RPL22: variants seen among roughly 807,000 people sequenced by gnomAD.
RPL22 encodes the protein ribosomal protein L22, also known as large ribosomal subunit protein eL22.
RPL22 carries 4 observed loss-of-function variants against 16.2 expected under a neutral mutation model. The observed-to-expected ratio is 0.25, with a 90% CI of 0.12 to 0.57. The LOEUF is 0.57. Ranked by LOEUF, RPL22 falls within the 20% of genes least tolerant of loss-of-function variation. RPL22 has a pLI of 0.92. For missense variants in RPL22, 83 were observed against 156.1 expected (o/e 0.53, Z 2.49); for synonymous variants, 43 against 54.8 (o/e 0.78, Z 0.95).
chr1:6,187,552 T>C (rs1667598089), intron 3 of RPL22, among the ~76,000 whole-genome samples: 1 of 142,956 alleles, frequency 7.0e-6, no homozygotes, highest in African/African-American at 2.7e-5. Context: ...AGGCAGAGGC[T>C]GCAGTGAGCC....
intron 3 of RPL22, among the ~76,000 whole-genome samples, chr1:6,187,855 T>G (rs2100901162): frequency 6.6e-6 from 1 of 152,272 alleles, no homozygotes; most frequent in East Asian, 1.9e-4. Flanking sequence ...AACCCCCTTT[T>G]GAGGTTGTCT....
intron 3 of RPL22, among the ~76,000 whole-genome samples, chr1:6,192,677 C>T (rs546451489): frequency 6.0e-4 from 91 of 152,152 alleles, no homozygotes; most frequent in African/African-American, 1.8e-3. Context: ...ACAGCCTGGG[C>T]GATGGAGTGA....
chr1:6,193,206 C>G, intron 2 of RPL22, 152 bp from the exon 3 acceptor site: 1 of 864,682 alleles, frequency 1.2e-6, no homozygotes, highest in South Asian at 1.6e-5. Flanking sequence ...ACTGCAGTCT[C>G]AACCTCCCAA....
At position 6,199,595 on chromosome 1, in the gene RPL22, G is replaced by A. The variant is rs1667771511; in HGVS notation, c.-22C>T. 3 of 1,565,642 alleles carry A rather than the reference G, an allele frequency of 1.9e-6. No homozygotes were observed. Among genetic ancestry groups the A allele is most frequent in the East Asian group, 2.4e-5 (1 of 42,030 alleles). On this transcript the variant is annotated 5_prime_UTR_variant, in exon 1 of 4. Transcript: ENST00000234875. ...CCATGGCGGCAGCGGAGTTAGAAAG[G>A]GAGGTGAGCGAACTACGCAGACGCA... is the stretch of plus-strand genomic sequence containing the variant.
rs761246474 is a variant in RPL22 at position 6,186,648 on chromosome 1, C to T, written c.*24G>A. 2.7e-6 allele frequency: 4 copies of T among 1,470,248 alleles called. No individual in the cohort carries two copies. The highest frequency in any genetic ancestry group is 1.3e-5 in the South Asian group (1 of 78,436). 91.1% of individuals were successfully genotyped at this position (1,470,248 alleles called of 1,614,324 possible). A position where few individuals can be genotyped will look rare whatever the true frequency, so the allele number is the denominator to read the frequency against. On this transcript the variant is annotated 3_prime_UTR_variant, in exon 4 of 4. Coordinates refer to ENST00000234875, the MANE Select transcript of RPL22 (RefSeq NM_000983.4). ...CCCAAGTTTTATTCAAGAACTCATACAAAATTTTCCAGATAAATGAAATTT... is the reference window on the plus strand; with the variant it reads ...CCCAAGTTTTATTCAAGAACTCATATAAAATTTTCCAGATAAATGAAATTT...
At chr1:6,190,632 G>A (rs1667637884) in intron 3 of RPL22, among the ~76,000 whole-genome samples, 1 of 152,144 alleles carries the variant, frequency 6.6e-6, no homozygotes, top group Non-Finnish European at 1.5e-5. Context: ...TCTGACCTCG[G>A]CCTCCCAAAG....
At chr1:6,197,471 CAAG>C (rs1667734643) in intron 2 of RPL22, among the ~76,000 whole-genome samples, 178 bp downstream of exon 2, 1 of 152,166 alleles carries the variant, frequency 6.6e-6, no homozygotes, top group African/African-American at 2.4e-5. Context: ...GTTGCACACA[CAAG>C]AAGAAACAAG....
chr1:6,198,335 G>A (rs1420503900), intron 1 of RPL22: 1 of 152,698 alleles, frequency 6.5e-6, no homozygotes, highest in Non-Finnish European at 1.5e-5. Flanking sequence ...ACAAGGTTAA[G>A]GCTAAAACCT....
At chr1:6,193,968 G>A (rs539152430) in intron 2 of RPL22, among the ~76,000 whole-genome samples, 137 of 152,246 alleles carry the variant, frequency 9.0e-4, no homozygotes, top group African/African-American at 3.0e-3. Flanking sequence ...CACTTTGAGA[G>A]GCTGAGGTGG....
chr1:6,197,618 T>C, intron 2 of RPL22, 34 bp downstream of exon 2: 7 of 1,429,416 alleles, frequency 4.9e-6, no homozygotes, highest in Non-Finnish European at 6.9e-6. Flanking sequence ...AAAATGTTCG[T>C]GACCACCCGA....
chr1:6,199,204 A>C, intron 1 of RPL22: 4 of 265,164 alleles, frequency 1.5e-5, no homozygotes, highest in East Asian at 6.7e-5. Flanking sequence ...TCCCCAGGGT[A>C]GCAGGTCCCG....
At chr1:6,187,035 TGG>T (rs1667590501) in intron 3 of RPL22, among the ~76,000 whole-genome samples, 2 of 152,172 alleles carry the variant, frequency 1.3e-5, no homozygotes, top group Non-Finnish European at 2.9e-5. Context: ...AGCCTCAGCA[TGG>T]TGGCTCAGGC....
Position 6,186,892 on chromosome 1 carries a change from C to T in RPL22, c.243-76G>A, listed in dbSNP as rs1231145784. Reference sequence around the variant, plus strand: ...TAAAACATTTTAACATTTATAAAACCCAGCACTCAAAATCATTACAATTCA... The same window carrying T: ...TAAAACATTTTAACATTTATAAAACTCAGCACTCAAAATCATTACAATTCA... On this transcript the variant is annotated intron_variant, in intron 3 of 3. Coordinates refer to ENST00000234875, the MANE Select transcript of RPL22 (RefSeq NM_000983.4). The T allele has an allele frequency of 1.9e-6, 3 of 1,584,070 alleles. No homozygotes were observed. In the African/African-American group the frequency reaches 4.1e-5, roughly 22 times the overall value.
intron 2 of RPL22, 56 bp from the exon 3 acceptor site, chr1:6,193,110 A>C (rs1324367147): frequency 4.1e-5 from 65 of 1,590,608 alleles, no homozygotes; most frequent in Admixed American, 1.7e-5. Flanking sequence ...TCTCAACAGA[A>C]TATTTTATCT....
At chr1:6,194,111 C>G (rs937395710) in intron 2 of RPL22, among the ~76,000 whole-genome samples, 2 of 152,150 alleles carry the variant, frequency 1.3e-5, no homozygotes, top group Non-Finnish European at 1.5e-5. Context: ...GAGGCTGAGA[C>G]AGGAGAATCC....
Position 6,185,933 on chromosome 1 carries a change from C to T in RPL22, c.*739G>A, listed in dbSNP as rs898301950. The T allele has an allele frequency of 6.5e-5, 15 of 230,700 alleles. 1 individual carries two copies. The South Asian group carries it at 2.5e-3, about 39-fold the overall frequency. The allele number at this position is 230,700 out of a possible 1,614,324, so 14.3% of individuals were successfully genotyped here. A position where few individuals can be genotyped will look rare whatever the true frequency, so the allele number is the denominator to read the frequency against. On this transcript the variant is annotated 3_prime_UTR_variant, in exon 4 of 4. Coordinates refer to ENST00000234875, the MANE Select transcript of RPL22 (RefSeq NM_000983.4). ...GGCATCAGGGGCCCCCATTGCTGGGCCCCACACGGGAGACCACATCTGGAA... is the reference window on the plus strand; with the variant it reads ...GGCATCAGGGGCCCCCATTGCTGGGTCCCACACGGGAGACCACATCTGGAA...
At chr1:6,199,392 C>G (rs1667765509) in intron 1 of RPL22, 170 bp downstream of exon 1, 2 of 1,353,416 alleles carry the variant, frequency 1.5e-6, no homozygotes, top group Non-Finnish European at 1.9e-6. Context: ...CCTCCTCCGC[C>G]TACAACGTGC....
At chr1:6,197,777 T>A in intron 1 of RPL22, 21 bp from the exon 2 acceptor site, 1 of 1,500,938 alleles carries the variant, frequency 6.7e-7, no homozygotes, top group Non-Finnish European at 9.3e-7. Context: ...ACACAAATGA[T>A]AACAGAGATG....
intron 3 of RPL22, among the ~76,000 whole-genome samples, chr1:6,187,127 G>A (rs1346366629): frequency 6.6e-6 from 1 of 152,054 alleles, no homozygotes; most frequent in African/African-American, 2.4e-5. Flanking sequence ...GAACAACATG[G>A]TGAAACCCCA....
Sources: gnomAD v4.1 joint callset for allele counts (sites outside exome capture counted in the v4.1 genomes callset) on GRCh38, gnomAD v4.1.1 for gene constraint, MANE v1.5 for transcripts, NCBI Gene and HGNC (gene_info 2026-07-23, HGNC 2026-07-21) for gene names.